ABCC2: variants seen among roughly 807,000 people sequenced by gnomAD.
ABCC2 encodes the protein ATP binding cassette subfamily C member 2.
ABCC2 carries 157 observed loss-of-function variants against 173.4 expected under a neutral mutation model. The ratio of observed to expected loss-of-function variants is 0.91; its 90% CI spans 0.80 to 1.03. The LOEUF (loss-of-function observed/expected upper bound fraction) is 1.03, where lower values mean the gene tolerates loss of function less well. Ranked by LOEUF, ABCC2 falls within the 50% of genes least tolerant of loss-of-function variation. ABCC2 has a pLI of 0.00. For missense variants in ABCC2, 1,822 were observed against 1,852.3 expected, an observed-to-expected ratio of 0.98 and a Z score of 0.30; for synonymous variants, 657 against 693.5, an observed-to-expected ratio of 0.95 and a Z score of 0.83.
intron 27 of ABCC2, 141 bp from the exon 28 acceptor site, chr10:99,844,181 G>C (rs1313740623): frequency 4.8e-6 from 5 of 1,035,712 alleles, no homozygotes; most frequent in Non-Finnish European, 7.3e-6. Flanking sequence ...TGCAAGTCTA[G>C]TTCAGCCTAT....
At chr10:99,802,411 C>T (rs898129807) in intron 9 of ABCC2, among the ~76,000 whole-genome samples, 9 of 151,916 alleles carry the variant, frequency 5.9e-5, no homozygotes, top group African/African-American at 9.7e-5. Flanking sequence ...AGGAGTTGTC[C>T]CCAGACAAGG....
intron 11 of ABCC2, among the ~76,000 whole-genome samples, chr10:99,806,697 G>A (rs2038112916): frequency 6.6e-6 from 1 of 152,192 alleles, no homozygotes; most frequent in Non-Finnish European, 1.5e-5. Context: ...GTTTGTATGG[G>A]ATAGACAGAA....
intron 2 of ABCC2, chr10:99,789,023 T>G (rs887899144): frequency 1.3e-5 from 2 of 154,226 alleles, no homozygotes; most frequent in East Asian, 3.8e-4. Flanking sequence ...ATTCAGGGTA[T>G]TGGAAAGTTC....
chr10:99,792,215 G>C lies in ABCC2; in HGVS notation c.208-19G>C. The C allele has an allele frequency of 1.2e-6, 2 of 1,613,602 alleles. No individual in the cohort carries two copies. The highest frequency in any genetic ancestry group is 1.7e-6 in the Non-Finnish European group (2 of 1,179,736). On this transcript the variant is annotated intron_variant, in intron 2 of 31. Transcript: ENST00000647814. ...TAAAGAATGATATCCTCTTAACAGTGGTCTTTTTCCCTTCTCAGGTATTCG... is the reference window on the plus strand; with the variant it reads ...TAAAGAATGATATCCTCTTAACAGTCGTCTTTTTCCCTTCTCAGGTATTCG...
In ABCC2 at chr10:99,813,030, C is replaced by T; in HGVS notation, c.1980C>T (p.Asp660=). The part of the protein sequence containing the change: ...SEATVRDVNL[D]IMAGQLVAVI... The stretch of plus-strand genomic sequence containing the variant: ...TCCTGTCTTTCAGTGTGAACCTGGA[C>T]ATTATGGCAGGCCAACTTGTGGCTG... Residue 660 remains aspartate, a synonymous_variant, in exon 16 of 32, where the codon GAC becomes GAT. Coordinates refer to ENST00000647814, the MANE Select transcript of ABCC2 (RefSeq NM_000392.5). The T allele has an allele frequency of 6.2e-7, 1 of 1,613,968 alleles. No homozygotes were observed. Among genetic ancestry groups the T allele is most frequent in the Non-Finnish European group, 8.5e-7 (1 of 1,179,872 alleles).
At chr10:99,794,551 AT>A (rs980268655) in intron 6 of ABCC2, 83 bp downstream of exon 6, 6,068 of 1,247,782 alleles carry the variant, frequency 4.9e-3, no homozygotes, top group Non-Finnish European at 5.3e-3. Flanking sequence ...TTATTTTATT[AT>A]TTTTTTTTTG....
chr10:99,831,758 A>G lies in ABCC2; in HGVS notation c.3031A>G (p.Asn1011Asp), dbSNP rs1334632932. 1 of 1,614,186 alleles carries G rather than the reference A, an allele frequency of 6.2e-7. No homozygotes were observed. The highest frequency in any genetic ancestry group is 1.3e-5 in the African/African-American group (1 of 75,038). ...SAWTSDSKIFNSTDYPASQRD... is the reference protein window; with the variant it reads ...SAWTSDSKIFDSTDYPASQRD... ...TTGGACCAGTGACTCTAAAATCTTCAATAGCACCGACTATCCAGCATCTCA... is the reference window on the plus strand; with the variant it reads ...TTGGACCAGTGACTCTAAAATCTTCGATAGCACCGACTATCCAGCATCTCA... The change falls in exon 22 of 32, where the codon AAT (asparagine) becomes GAT (aspartate). Residue 1011 changes from asparagine to aspartate, a missense_variant. Physicochemically the swap from Asn to Asp is conservative, Grantham distance 23. Transcript: ENST00000647814.
intron 19 of ABCC2, among the ~76,000 whole-genome samples, chr10:99,827,402 C>T (rs532750639): frequency 2.6e-5 from 4 of 152,268 alleles, no homozygotes; most frequent in Middle Eastern, 3.4e-3. Context: ...GAGCCATTAC[C>T]GGCTCTGCTA....
At chr10:99,789,672 T>C (rs2037778805) in intron 2 of ABCC2, among the ~76,000 whole-genome samples, 1 of 124,026 alleles carries the variant, frequency 8.1e-6, no homozygotes, top group African/African-American at 3.2e-5. Context: ...ATAGCACCAC[T>C]ACACTCCAGC....
At chr10:99,809,819 C>T (rs549643472) in intron 13 of ABCC2, among the ~76,000 whole-genome samples, 34 of 152,184 alleles carry the variant, frequency 2.2e-4, no homozygotes, top group Non-Finnish European at 4.4e-4. Context: ...AAGAGAAAGC[C>T]AGGGGCCTAG....
intron 16 of ABCC2, among the ~76,000 whole-genome samples, chr10:99,814,742 T>TATACAC (rs1230831919): frequency 8.4e-5 from 12 of 142,128 alleles, no homozygotes; most frequent in African/African-American, 2.9e-4. Flanking sequence ...TGTATGTGTA[T>TATACAC]ATGTATGTAT....
At chr10:99,805,235 T>G in intron 10 of ABCC2, 147 bp from the exon 11 acceptor site, 1 of 683,442 alleles carries the variant, frequency 1.5e-6, no homozygotes, top group South Asian at 1.5e-5. Flanking sequence ...AAGAGGAGAG[T>G]GGAGGGAGGT....
intron 14 of ABCC2, 95 bp from the exon 15 acceptor site, chr10:99,811,441 C>A: frequency 7.9e-7 from 1 of 1,261,224 alleles, no homozygotes; most frequent in Non-Finnish European, 1.2e-6. Context: ...CAGAAACAAT[C>A]CTAGGAGCTG....
intron 13 of ABCC2, 73 bp from the exon 14 acceptor site, chr10:99,810,061 G>T: frequency 7.0e-7 from 1 of 1,432,456 alleles, no homozygotes; most frequent in South Asian, 1.2e-5. Flanking sequence ...ATGGACTAAC[G>T]ACAAAGTCAA....
At chr10:99,825,203 C>G (rs1359871335) in intron 19 of ABCC2, among the ~76,000 whole-genome samples, 3 of 151,904 alleles carry the variant, frequency 2.0e-5, no homozygotes, top group Non-Finnish European at 4.4e-5. Flanking sequence ...TAAATCTCGA[C>G]CCCACAGATT....
chr10:99,814,339 A>ATATACACACGTATGTATACACACATG lies in ABCC2; in HGVS notation c.2094+1199_2094+1200insCACACGTATGTATACACACATGTATA. ...TACACACGTATGTATACACACATGT[A>ATATACACACGTATGTATACACACATG]TATATACACACGTATGTATACACAC... On this transcript the variant is annotated intron_variant, in intron 16 of 31. Coordinates refer to ENST00000647814, the MANE Select transcript of ABCC2 (RefSeq NM_000392.5). 1.4e-5 allele frequency among the ~76,000 whole-genome samples: 2 copies of ATATACACACGTATGTATACACACATG among 140,722 alleles called. 1 individual carries two copies. The highest frequency in any genetic ancestry group is 3.2e-5 in the Non-Finnish European group (2 of 63,218). The allele number at this position is 140,722 out of a possible 152,430, so 92.3% of individuals were successfully genotyped here. A position where few individuals can be genotyped will look rare whatever the true frequency, so the allele number is the denominator to read the frequency against.
intron 29 of ABCC2, 123 bp downstream of exon 29, chr10:99,845,905 A>G (rs1314439484): frequency 8.9e-7 from 1 of 1,119,358 alleles, no homozygotes; most frequent in East Asian, 2.6e-5. Flanking sequence ...TACTCGGGAT[A>G]CTTGAGCTAG....
At chr10:99,830,200 A>G (rs2038713442) in intron 19 of ABCC2, 107 bp from the exon 20 acceptor site, 1 of 1,333,810 alleles carries the variant, frequency 7.5e-7, no homozygotes, top group East Asian at 2.3e-5. Context: ...TACATCTGGG[A>G]TCCCTTGCTG....
chr10:99,814,212 T>TGTGTATATATACACAC lies in ABCC2; in HGVS notation c.2094+1069_2094+1084dup, dbSNP rs1491328566. Reference sequence around the variant, plus strand: ...ACACACATGTGTATATATACACACATGTGTATATATACACACATGTGTATA... The same window carrying TGTGTATATATACACAC: ...ACACACATGTGTATATATACACACATGTGTATATATACACACGTGTATATATACACACATGTGTATA... On this transcript the variant is annotated intron_variant, in intron 16 of 31. Transcript: ENST00000647814. Among the ~76,000 whole-genome samples, 3 of 30,188 alleles carry TGTGTATATATACACAC rather than the reference T, an allele frequency of 9.9e-5. 1 individual carries two copies. The highest frequency in any genetic ancestry group is 1.9e-4 in the Non-Finnish European group (3 of 15,784). 19.8% of individuals were successfully genotyped at this position (30,188 alleles called of 152,430 possible).
Sources: allele counts gnomAD v4.1 joint callset (sites outside exome capture counted in the v4.1 genomes callset), GRCh38; gene constraint gnomAD v4.1.1; transcripts MANE v1.5; gene names NCBI Gene and HGNC (gene_info 2026-07-23, HGNC 2026-07-21).